SLC16A14: variants seen among roughly 807,000 people sequenced by gnomAD.
SLC16A14 encodes monocarboxylate transporter 14.
SLC16A14 carries 14 observed loss-of-function variants against 35.8 expected under a neutral mutation model. That is an observed-to-expected ratio of 0.39 (90% CI 0.26 to 0.61). The LOEUF is 0.61. Among genes scored for constraint, SLC16A14 ranks in the 20% least tolerant of loss-of-function variants. The pLI, the probability that SLC16A14 is intolerant of heterozygous loss-of-function variation, is 0.51. For missense variants in SLC16A14, 533 were observed against 655.0 expected (o/e 0.81, Z 2.03); for synonymous variants, 248 against 258.9 (o/e 0.96, Z 0.40).
intron 1 of SLC16A14, among the ~76,000 whole-genome samples, chr2:230,066,348 A>G (rs2077795157): frequency 6.6e-6 from 1 of 152,120 alleles, no homozygotes; most frequent in Non-Finnish European, 1.5e-5. Flanking sequence ...CAAGCTTGCT[A>G]TTGGAAGCTT....
intron 1 of SLC16A14, among the ~76,000 whole-genome samples, chr2:230,059,899 G>A (rs2106275264): frequency 6.6e-6 from 1 of 152,254 alleles, no homozygotes; most frequent in East Asian, 1.9e-4. Flanking sequence ...TTAGCCTCAG[G>A]GGGTCTGGCT....
At chr2:230,058,860 C>T (rs6745505) in intron 2 of SLC16A14, among the ~76,000 whole-genome samples, 106,058 of 152,068 alleles carry the variant, frequency 0.7, 37,429 homozygotes, top group African/African-American at 0.81. Flanking sequence ...CTCGAACATC[C>T]GACCTCAACT....
intron 4 of SLC16A14, 44 bp from the exon 5 acceptor site, chr2:230,037,575 C>CA: frequency 6.8e-7 from 1 of 1,472,624 alleles, no homozygotes; most frequent in Non-Finnish European, 9.0e-7. Flanking sequence ...GGAGTTGATA[C>CA]AATGAAAGTG....
intron 2 of SLC16A14, among the ~76,000 whole-genome samples, chr2:230,056,879 T>TAAAAAAAA (rs60620443): frequency 9.4e-5 from 9 of 95,494 alleles, no homozygotes; most frequent in East Asian, 3.5e-4. Flanking sequence ...CTACAAAAAG[T>TAAAAAAAA]AAAAAAAAAA....
Position 230,046,054 on chromosome 2 carries a change from T to C in SLC16A14, c.1072A>G (p.Ile358Val). The change falls in exon 4 of 5, where the codon ATT (isoleucine) becomes GTT (valine). Residue 358 changes from isoleucine to valine, a missense_variant. Coordinates refer to ENST00000295190, the MANE Select transcript of SLC16A14 (RefSeq NM_152527.5). The surrounding 1 kb of genome is among the most constrained non-coding windows in gnomAD (Gnocchi z 5.0). ...CCAAAGATGTGAACTATTGCTATAA[T>C]TGACGTCAGAGGGAAAACGTCGTTT... ...EQNDVFPLTSIIAIVHIFGKV... is the reference protein window; with the variant it reads ...EQNDVFPLTSVIAIVHIFGKV... 1 of 1,614,198 alleles carries C rather than the reference T, an allele frequency of 6.2e-7. No homozygotes were observed. The highest frequency in any genetic ancestry group is 8.5e-7 in the Non-Finnish European group (1 of 1,180,004).
intron 2 of SLC16A14, among the ~76,000 whole-genome samples, chr2:230,052,487 G>T (rs1413118430): frequency 2.0e-5 from 3 of 152,032 alleles, no homozygotes; most frequent in African/African-American, 7.2e-5. Flanking sequence ...TTGTCAGTTT[G>T]CTGTTTGTAG....
intron 1 of SLC16A14, among the ~76,000 whole-genome samples, chr2:230,060,866 G>A (rs1187832524): frequency 1.6e-5 from 2 of 124,440 alleles, no homozygotes; most frequent in African/African-American, 3.1e-5. Flanking sequence ...GGGGGTGGAT[G>A]AACCTATGAT....
At chr2:230,044,742 G>GTGTGTGTGTA (rs2077589774) in intron 4 of SLC16A14, among the ~76,000 whole-genome samples, 1 of 141,220 alleles carries the variant, frequency 7.1e-6, no homozygotes, top group African/African-American at 2.7e-5. Context: ...GTGTGTATGT[G>GTGTGTGTGTA]TGTGTGTGTG....
At chr2:230,055,306 G>T (rs1380522115) in intron 2 of SLC16A14, among the ~76,000 whole-genome samples, 2 of 152,206 alleles carry the variant, frequency 1.3e-5, no homozygotes, top group Non-Finnish European at 2.9e-5. Context: ...GGCTTGGAAA[G>T]CTTCCCTGAG....
chr2:230,046,123 T>G lies in SLC16A14; in HGVS notation c.1003A>C (p.Ile335Leu). The G allele has an allele frequency of 6.2e-7, 1 of 1,613,922 alleles. No individual in the cohort carries two copies. Among genetic ancestry groups the G allele is most frequent in the Non-Finnish European group, 8.5e-7 (1 of 1,179,810 alleles). ...FAYSSFVIPFIHLPEIVNLYN... is the reference protein window; with the variant it reads ...FAYSSFVIPFLHLPEIVNLYN... ...AAATTGACGATTTCTGGGAGGTGAA[T>G]GAAGGGGATGACAAAGCTGCTGTAT... The change falls in exon 4 of 5, where the codon ATT becomes CTT. Residue 335 changes from isoleucine to leucine, a missense_variant. Coordinates refer to ENST00000295190, the MANE Select transcript of SLC16A14 (RefSeq NM_152527.5). This position sits in a 1 kb window ranked among gnomAD's most constrained non-coding sequence, Gnocchi z 5.0.
In SLC16A14 at chr2:230,045,870, C is replaced by T; in HGVS notation, c.1256G>A (p.Ser419Asn). 2 of 1,613,868 alleles carry T rather than the reference C, an allele frequency of 1.2e-6. No individual in the cohort carries two copies. Among genetic ancestry groups the T allele is most frequent in the Non-Finnish European group, 1.7e-6 (2 of 1,179,856 alleles). Residue 419 changes from serine to asparagine, a missense_variant, in exon 4 of 5, where the codon AGT (serine) becomes AAT (asparagine). Transcript: ENST00000295190. ...AVICALIGFS[S>N]GYFSLMPVVT... Reference sequence around the variant, plus strand: ...TACGGGCATTAGGGAGAAATAACCACTGGAAAACCCTATCAGCGCACAGAT... The same window carrying T: ...TACGGGCATTAGGGAGAAATAACCATTGGAAAACCCTATCAGCGCACAGAT...
intron 1 of SLC16A14, among the ~76,000 whole-genome samples, chr2:230,062,134 C>T (rs2106278569): frequency 6.6e-6 from 1 of 152,004 alleles, no homozygotes; most frequent in South Asian, 2.1e-4. Context: ...ATGATTATTA[C>T]TGAAAATCAT....
Position 230,059,276 on chromosome 2 carries a change from G to A in SLC16A14, c.77C>T (p.Pro26Leu). ...CCAAGCCCATCCGCCATCAATGTTT[G>A]GGTGGGGCTTCAGTGTCTTTTTGTC... ...PKDKKTLKPH[P>L]NIDGGWAWMM... is the part of the protein sequence containing the mutation. The change falls in exon 2 of 5, where the codon CCA (proline) becomes CTA (leucine). Residue 26 changes from proline to leucine, a missense_variant. Physicochemically the swap from Pro to Leu is moderately conservative, Grantham distance 98. Coordinates refer to ENST00000295190, the MANE Select transcript of SLC16A14 (RefSeq NM_152527.5). 1.2e-6 allele frequency: 2 copies of A among 1,614,010 alleles called. No homozygotes were observed. The highest frequency in any genetic ancestry group is 1.7e-6 in the Non-Finnish European group (2 of 1,179,882).
At position 230,059,355 on chromosome 2, in the gene SLC16A14, T is replaced by G. The variant is rs972238475; in HGVS notation, c.-3A>C. ...ATATCTTCATGACTGGTATACATTT[T>G]CCAAGATTTTTCTGAAATACATATA... is the stretch of plus-strand genomic sequence containing the variant. On this transcript the variant is annotated 5_prime_UTR_variant, in exon 2 of 5. Coordinates refer to ENST00000295190, the MANE Select transcript of SLC16A14 (RefSeq NM_152527.5). 1.3e-6 allele frequency: 2 copies of G among 1,550,294 alleles called. No homozygotes were observed. The highest frequency in any genetic ancestry group is 1.7e-6 in the Non-Finnish European group (2 of 1,148,446).
intron 2 of SLC16A14, among the ~76,000 whole-genome samples, chr2:230,056,246 A>G (rs929803577): frequency 3.1e-4 from 44 of 142,928 alleles, no homozygotes; most frequent in African/African-American, 1.1e-3. Flanking sequence ...TGTTACTAAT[A>G]TTGGTGTTTT....
At position 230,036,227 on chromosome 2, in the gene SLC16A14, A is replaced by G. The variant is rs558237329; in HGVS notation, c.*1153T>C. On this transcript the variant is annotated 3_prime_UTR_variant, in exon 5 of 5. Coordinates refer to ENST00000295190, the MANE Select transcript of SLC16A14 (RefSeq NM_152527.5). ...TAGACATCTCAGATAAAGAAAGGGC[A>G]TTATTAGATGTCATGGATCACAGTC... The G allele has an allele frequency of 2.0e-5, 3 of 152,794 alleles. No homozygotes were observed. In the East Asian group the frequency reaches 5.8e-4, roughly 29 times the overall value. 9.5% of individuals were successfully genotyped at this position (152,794 alleles called of 1,614,324 possible). A position where few individuals can be genotyped will look rare whatever the true frequency, so the allele number is the denominator to read the frequency against.
Position 230,046,506 on chromosome 2 carries a change from G to A in SLC16A14, c.620C>T (p.Ala207Val). The change falls in exon 4 of 5, where the codon GCG becomes GTG. Residue 207 changes from alanine (A) to valine (V), a missense_variant. By Grantham distance (64) the Ala-to-Val change is moderately conservative. Coordinates refer to ENST00000295190, the MANE Select transcript of SLC16A14 (RefSeq NM_152527.5). The surrounding 1 kb of genome is among the most constrained non-coding windows in gnomAD (Gnocchi z 5.0). ...ACCAGGAGAGAGGGGCCTCATGAGC[G>A]CCCCACAAACACACAGGTTTAGGGA... ...AVSLNLCVCG[A>V]LMRPLSPGKN... 7 of 1,614,144 alleles carry A rather than the reference G, an allele frequency of 4.3e-6. No individual in the cohort carries two copies. The highest frequency in any genetic ancestry group is 5.9e-6 in the Non-Finnish European group (7 of 1,180,000).
chr2:230,059,744 G>A (rs536143407), intron 1 of SLC16A14, among the ~76,000 whole-genome samples: 2 of 152,348 alleles, frequency 1.3e-5, no homozygotes, highest in South Asian at 4.1e-4. Flanking sequence ...ATACTGACAG[G>A]TGACAAGAAA....
chr2:230,055,088 A>G (rs2077694170), intron 2 of SLC16A14, among the ~76,000 whole-genome samples: 1 of 152,164 alleles, frequency 6.6e-6, no homozygotes, highest in Non-Finnish European at 1.5e-5. Context: ...AGTCCCATGG[A>G]CCAGGTTTAA....
Sources: gnomAD v4.1 joint callset for allele counts (sites outside exome capture counted in the v4.1 genomes callset) on GRCh38, gnomAD v4.1.1 for gene constraint, Gnocchi (gnomAD v3.1) non-coding constraint, MANE v1.5 for transcripts, NCBI Gene and HGNC (gene_info 2026-07-23, HGNC 2026-07-21) for gene names.